CNTN5: variants seen among roughly 807,000 people sequenced by gnomAD.
CNTN5 encodes contactin 5.
CNTN5 carries 77 observed loss-of-function variants against 129.1 expected under a neutral mutation model. The ratio of observed to expected loss-of-function variants is 0.60; its 90% CI spans 0.50 to 0.72. The LOEUF (loss-of-function observed/expected upper bound fraction) is 0.72, where lower values mean the gene tolerates loss of function less well. Ranked by LOEUF, CNTN5 falls within the 30% of genes least tolerant of loss-of-function variation. CNTN5 has a pLI of 0.00. For missense variants in CNTN5, 1,478 were observed against 1,328.8 expected, an observed-to-expected ratio of 1.11 and a Z score of -1.75; for synonymous variants, 509 against 465.6, an observed-to-expected ratio of 1.09 and a Z score of -1.20.
chr11:99,471,333 A>T (rs939348117), intron 2 of CNTN5, among the ~76,000 whole-genome samples: 1 of 152,092 alleles, frequency 6.6e-6, no homozygotes, highest in East Asian at 1.9e-4. Context: ...AATCACAGGT[A>T]TGTTTTAATA....
chr11:99,836,668 T>A lies in CNTN5; in HGVS notation c.278-8184T>A, dbSNP rs1947317922. 2.0e-5 allele frequency among the ~76,000 whole-genome samples: 3 copies of A among 152,290 alleles called. No individual in the cohort carries two copies. The South Asian group carries it at 6.2e-4, about 32-fold the overall frequency. ...TTTGGGTATATACCCAGTAATGGGATGGCTGGGTCAAATGGTATTTCTAGT... is the reference window on the plus strand; with the variant it reads ...TTTGGGTATATACCCAGTAATGGGAAGGCTGGGTCAAATGGTATTTCTAGT... On this transcript the variant is annotated intron_variant, in intron 4 of 24. Transcript: ENST00000524871.
chr11:99,463,108 A>AAAATAAATAAAT (rs376289717), intron 2 of CNTN5, among the ~76,000 whole-genome samples: 51,170 of 120,790 alleles, frequency 0.42, 11,204 homozygotes, highest in Non-Finnish European at 0.49. Flanking sequence ...ACTCCATCTC[A>AAAATAAATAAAT]AAATAAATAA....
chr11:99,023,064 A>G (rs1231738179), intron 1 of CNTN5, among the ~76,000 whole-genome samples: 1 of 152,222 alleles, frequency 6.6e-6, no homozygotes, highest in East Asian at 1.9e-4. Context: ...ATACATCCAA[A>G]AAGCTACAGT....
chr11:100,166,996 A>AGACTT (rs1947658724), intron 13 of CNTN5, among the ~76,000 whole-genome samples: 1 of 151,792 alleles, frequency 6.6e-6, no homozygotes, highest in South Asian at 2.1e-4. Context: ...GGGCAGAAGA[A>AGACTT]GACTTAGACC....
At chr11:100,249,422 C>G (rs1346205793) in intron 16 of CNTN5, among the ~76,000 whole-genome samples, 1 of 152,060 alleles carries the variant, frequency 6.6e-6, no homozygotes, top group African/African-American at 2.4e-5. Flanking sequence ...AGCAGTCCTC[C>G]CCATGAAGAA....
At chr11:100,221,954 G>A (rs1949274643) in intron 15 of CNTN5, among the ~76,000 whole-genome samples, 1 of 152,178 alleles carries the variant, frequency 6.6e-6, no homozygotes, top group South Asian at 2.1e-4. Flanking sequence ...GCACTAAATT[G>A]TGGAGGTTCT....
chr11:99,178,569 T>A (rs1025754017), intron 1 of CNTN5, among the ~76,000 whole-genome samples: 3 of 151,960 alleles, frequency 2.0e-5, no homozygotes, highest in Non-Finnish European at 2.9e-5. Context: ...GAGAAATAAG[T>A]GTCATTAATG....
intron 9 of CNTN5, among the ~76,000 whole-genome samples, chr11:100,011,154 A>G (rs578163054): frequency 6.6e-6 from 1 of 152,226 alleles, no homozygotes; most frequent in Non-Finnish European, 1.5e-5. Flanking sequence ...ATGCTTTCAC[A>G]TGTTTTGGCC....
intron 7 of CNTN5, among the ~76,000 whole-genome samples, chr11:99,929,444 C>T (rs1399633565): frequency 2.0e-5 from 3 of 152,190 alleles, no homozygotes; most frequent in African/African-American, 7.2e-5. Context: ...ATAGTCCATT[C>T]TCATGCTGCT....
chr11:99,769,176 G>A (rs1233966712), intron 3 of CNTN5, among the ~76,000 whole-genome samples: 1 of 151,942 alleles, frequency 6.6e-6, no homozygotes, highest in Admixed American at 6.6e-5. Context: ...CTTCAAACTG[G>A]CAACTTTGAC....
chr11:100,088,464 A>C (rs1944637543), intron 13 of CNTN5, among the ~76,000 whole-genome samples: 1 of 152,084 alleles, frequency 6.6e-6, no homozygotes, highest in Non-Finnish European at 1.5e-5. Flanking sequence ...GTTCTTTAAA[A>C]GGATAAGCAA....
At chr11:99,985,101 C>T (rs1565755303) in intron 8 of CNTN5, among the ~76,000 whole-genome samples, 1 of 152,074 alleles carries the variant, frequency 6.6e-6, no homozygotes, top group Non-Finnish European at 1.5e-5. Context: ...AGTGTATTAT[C>T]AGCTTACTTA....
intron 3 of CNTN5, among the ~76,000 whole-genome samples, chr11:99,632,372 G>C (rs564682542): frequency 6.6e-6 from 1 of 152,010 alleles, no homozygotes; most frequent in South Asian, 2.1e-4. Context: ...TTATGCTTAG[G>C]GTAAACATGT....
chr11:99,734,575 T>C (rs945028492), intron 3 of CNTN5, among the ~76,000 whole-genome samples: 24 of 152,188 alleles, frequency 1.6e-4, no homozygotes, highest in African/African-American at 5.5e-4. Flanking sequence ...CAACTCACAT[T>C]ACTAGATTCT....
intron 6 of CNTN5, among the ~76,000 whole-genome samples, chr11:99,849,376 T>TAC (rs1178152211): frequency 2.0e-5 from 3 of 151,974 alleles, no homozygotes; most frequent in African/African-American, 4.8e-5. Flanking sequence ...AGTATATATA[T>TAC]ACACATATGC....
intron 1 of CNTN5, among the ~76,000 whole-genome samples, chr11:99,265,540 A>G (rs1292501426): frequency 6.6e-6 from 1 of 152,064 alleles, no homozygotes; most frequent in Non-Finnish European, 1.5e-5. Context: ...GAGGTGTTGT[A>G]GCTTGCATAA....
At chr11:100,145,042 T>C (rs1946806934) in intron 13 of CNTN5, among the ~76,000 whole-genome samples, 1 of 126,742 alleles carries the variant, frequency 7.9e-6, no homozygotes, top group African/African-American at 2.5e-5. Flanking sequence ...TATCTTTAAA[T>C]TCTGTCTTTT....
intron 7 of CNTN5, among the ~76,000 whole-genome samples, chr11:99,939,782 T>C (rs998580793): frequency 1.3e-5 from 2 of 152,072 alleles, no homozygotes; most frequent in African/African-American, 2.4e-5. Context: ...TATGATTGAG[T>C]CCTAATTTGA....
intron 3 of CNTN5, among the ~76,000 whole-genome samples, chr11:99,776,356 C>A (rs903090544): frequency 6.6e-6 from 1 of 151,784 alleles, no homozygotes; most frequent in Admixed American, 6.6e-5. Flanking sequence ...TTAAAGAAAT[C>A]GATTTCAAAA....
Sources: gnomAD v4.1 joint callset for allele counts (sites outside exome capture counted in the v4.1 genomes callset) on GRCh38, gnomAD v4.1.1 for gene constraint, MANE v1.5 for transcripts, NCBI Gene and HGNC (gene_info 2026-07-23, HGNC 2026-07-21) for gene names.